Variants in TOX observed in about 807,000 individuals in gnomAD.
TOX encodes the protein thymocyte selection-associated high mobility group box protein TOX.
In TOX, 11 loss-of-function variants were observed where a neutral mutation model predicts 53.7. That is an observed-to-expected ratio of 0.20 (90% confidence interval 0.13 to 0.34). TOX has a LOEUF of 0.34. Ranked by LOEUF, TOX falls within the 10% of genes least tolerant of loss-of-function variation. The pLI is 1.00. For missense variants in TOX, 570 were observed against 664.6 expected (o/e 0.86, Z 1.56); for synonymous variants, 225 against 245.3 (o/e 0.92, Z 0.77).
intron 2 of TOX, among the ~76,000 whole-genome samples, chr8:58,952,568 T>C (rs1333079206): frequency 6.6e-6 from 1 of 152,210 alleles, no homozygotes; most frequent in Non-Finnish European, 1.5e-5. Context: ...CTGGTCAGAC[T>C]GCAGTAGTGC....
At position 58,900,891 on chromosome 8, in the gene TOX, A is replaced by G. The variant is rs377453360; in HGVS notation, c.411+38411T>C. 3.0e-4 allele frequency among the ~76,000 whole-genome samples: 45 copies of G among 152,238 alleles called. No homozygotes were observed. In the South Asian group the frequency reaches 8.7e-3, roughly 29 times the overall value. On this transcript the variant is annotated intron_variant, in intron 3 of 8. Transcript: ENST00000361421. ...GAGACCTTCGTTGAAATGAATTTTT[A>G]CAAATAGAGTAAGATTTTTAAAATC...
chr8:58,908,116 C>T (rs969226436), intron 3 of TOX, among the ~76,000 whole-genome samples: 1 of 152,066 alleles, frequency 6.6e-6, no homozygotes, highest in Non-Finnish European at 1.5e-5. Context: ...CGCCATAGGC[C>T]CCCAGTGTGT....
intron 7 of TOX, chr8:58,814,267 C>T (rs1043168000): frequency 6.6e-5 from 10 of 152,196 alleles, no homozygotes; most frequent in African/African-American, 2.2e-4. Flanking sequence ...GAGAGGTAGA[C>T]ATCAATTCTA....
chr8:58,869,484 C>T (rs1198133640), intron 3 of TOX, among the ~76,000 whole-genome samples: 1 of 152,036 alleles, frequency 6.6e-6, no homozygotes, highest in African/African-American at 2.4e-5. Context: ...CAATTCTCCA[C>T]AATATTTTCC....
chr8:58,912,487 G>A (rs1048920840), intron 3 of TOX, among the ~76,000 whole-genome samples: 3 of 152,310 alleles, frequency 2.0e-5, no homozygotes, highest in East Asian at 1.9e-4. Flanking sequence ...TGGGGAAAAA[G>A]AGCAGATATT....
At chr8:58,864,819 T>G (rs567096109) in intron 3 of TOX, among the ~76,000 whole-genome samples, 2 of 152,282 alleles carry the variant, frequency 1.3e-5, no homozygotes, top group African/African-American at 4.8e-5. Flanking sequence ...TGTGAAAGCT[T>G]AATAACTCTC....
intron 3 of TOX, among the ~76,000 whole-genome samples, chr8:58,869,024 G>C (rs1811151085): frequency 6.6e-6 from 1 of 151,678 alleles, no homozygotes; most frequent in Non-Finnish European, 1.5e-5. Flanking sequence ...ACATTAAAAA[G>C]CTAATAATCC....
chr8:58,816,379 A>C (rs543155920), intron 6 of TOX, among the ~76,000 whole-genome samples: 12 of 152,342 alleles, frequency 7.9e-5, no homozygotes, highest in Non-Finnish European at 1.5e-4. Context: ...CTCTCTTAGA[A>C]ATTTTAGACT....
intron 1 of TOX, among the ~76,000 whole-genome samples, chr8:59,062,537 T>C (rs1804004116): frequency 6.6e-6 from 1 of 152,234 alleles, no homozygotes; most frequent in South Asian, 2.1e-4. Flanking sequence ...ATAGGGTTTA[T>C]ATAAGTGTGC....
In TOX at chr8:58,806,896, A is replaced by G. The variant is rs1167454986; in HGVS notation, c.*851T>C. The G allele has an allele frequency of 6.6e-6, 1 of 152,660 alleles. No individual in the cohort carries two copies. The highest frequency in any genetic ancestry group is 1.9e-4 in the East Asian group (1 of 5,198). The allele number at this position is 152,660 out of a possible 1,614,324, so 9.5% of individuals were successfully genotyped here. A position where few individuals can be genotyped will look rare whatever the true frequency, so the allele number is the denominator to read the frequency against. ...AACAATAAGACAGAGCCATATGTAAAAGTTGTAATTTAGCTGTTTCCAATC... is the reference window on the plus strand; with the variant it reads ...AACAATAAGACAGAGCCATATGTAAGAGTTGTAATTTAGCTGTTTCCAATC... On this transcript the variant is annotated 3_prime_UTR_variant, in exon 9 of 9. Transcript: ENST00000361421.
chr8:59,100,291 G>A (rs1489714816), intron 1 of TOX, among the ~76,000 whole-genome samples: 1 of 152,136 alleles, frequency 6.6e-6, no homozygotes, highest in Non-Finnish European at 1.5e-5. Context: ...TTATAATGAA[G>A]TCCTTTGAAT....
intron 1 of TOX, among the ~76,000 whole-genome samples, chr8:59,095,699 C>T (rs964601709): frequency 6.6e-6 from 1 of 152,166 alleles, no homozygotes; most frequent in Non-Finnish European, 1.5e-5. Flanking sequence ...TGCGCCCAGA[C>T]AATATTAAAA....
At chr8:58,845,887 C>T (rs1312976604) in intron 4 of TOX, among the ~76,000 whole-genome samples, 1 of 151,980 alleles carries the variant, frequency 6.6e-6, no homozygotes, top group Admixed American at 6.6e-5. Context: ...TTTAGGAGAT[C>T]CACTTGATCT....
intron 3 of TOX, among the ~76,000 whole-genome samples, chr8:58,914,753 C>G (rs963999208): frequency 6.7e-5 from 9 of 133,760 alleles, no homozygotes; most frequent in African/African-American, 7.5e-5. Context: ...GTGAGCGACG[C>G]AGAAGACGGG....
At chr8:58,996,697 A>G (rs546827844) in intron 1 of TOX, among the ~76,000 whole-genome samples, 7 of 152,348 alleles carry the variant, frequency 4.6e-5, no homozygotes, top group Non-Finnish European at 7.3e-5. Context: ...AAAAATATTT[A>G]TAGACAAATA....
chr8:58,886,174 T>A (rs920786280), intron 3 of TOX, among the ~76,000 whole-genome samples: 1 of 152,040 alleles, frequency 6.6e-6, no homozygotes, highest in Non-Finnish European at 1.5e-5. Flanking sequence ...CTAGATGTGA[T>A]CAAATGGACT....
At chr8:58,990,601 A>G (rs923970227) in intron 1 of TOX, among the ~76,000 whole-genome samples, 13 of 152,086 alleles carry the variant, frequency 8.5e-5, no homozygotes, top group Non-Finnish European at 1.6e-4. Context: ...ACCACCATCA[A>G]CACCAAAATT....
In TOX at chr8:58,806,664, G is replaced by A. The variant is rs1324401242; in HGVS notation, c.*1083C>T. 6.6e-6 allele frequency: 1 copy of A among 152,518 alleles called. No individual in the cohort carries two copies. Among genetic ancestry groups the A allele is most frequent in the Non-Finnish European group, 1.5e-5 (1 of 68,000 alleles). 9.4% of individuals were successfully genotyped at this position (152,518 alleles called of 1,614,324 possible). ...TAATTTGCTGCTAAATGAAAAGCAG[G>A]TTTGGCTTTATTCATGTTACTGTAA... On this transcript the variant is annotated 3_prime_UTR_variant, in exon 9 of 9. Coordinates refer to ENST00000361421, the MANE Select transcript of TOX (RefSeq NM_014729.3).
chr8:58,930,698 C>G (rs1332186774), intron 3 of TOX, among the ~76,000 whole-genome samples: 1 of 152,194 alleles, frequency 6.6e-6, no homozygotes. Context: ...CATGCCTGGA[C>G]AGATCCTCCA....
Sources: gnomAD v4.1 joint callset for allele counts (sites outside exome capture counted in the v4.1 genomes callset) on GRCh38, gnomAD v4.1.1 for gene constraint, MANE v1.5 for transcripts, NCBI Gene and HGNC (gene_info 2026-07-23, HGNC 2026-07-21) for gene names.